MLIP: variants seen among roughly 807,000 people sequenced by gnomAD.
MLIP encodes the protein muscular LMNA interacting protein.
MLIP carries 79 observed loss-of-function variants against 84.8 expected under a neutral mutation model. The ratio of observed to expected loss-of-function variants is 0.93; its 90% confidence interval spans 0.78 to 1.12. The LOEUF is 1.12. MLIP is among the 50% of genes most tolerant of loss of function. The probability of loss-of-function intolerance (pLI) is 0.00; values close to 1 mark genes in which losing one functional copy is unlikely to be tolerated. For synonymous variants in MLIP, 504 were observed against 463.0 expected (o/e 1.09, Z -1.14); for missense variants, 1,257 against 1,160.6 (o/e 1.08, Z -1.21).
At chr6:54,143,074 A>G (rs1028921776) in intron 4 of MLIP, among the ~76,000 whole-genome samples, 1 of 151,940 alleles carries the variant, frequency 6.6e-6, no homozygotes, top group South Asian at 2.1e-4. Context: ...CGGCCTCTAT[A>G]CTGACCAGTT....
At chr6:54,051,451 T>C (rs1297713536) in intron 1 of MLIP, among the ~76,000 whole-genome samples, 2 of 152,192 alleles carry the variant, frequency 1.3e-5, no homozygotes, top group African/African-American at 4.8e-5. Flanking sequence ...ATTATTACTT[T>C]AATGTTGTCT....
intron 12 of MLIP, among the ~76,000 whole-genome samples, chr6:54,255,023 T>C (rs1040566475): frequency 6.6e-6 from 1 of 152,098 alleles, no homozygotes; most frequent in Non-Finnish European, 1.5e-5. Flanking sequence ...GTCTCTTGTG[T>C]GGCCTTTCAT....
At chr6:54,191,794 A>G (rs1777943848) in intron 10 of MLIP, among the ~76,000 whole-genome samples, 2 of 152,132 alleles carry the variant, frequency 1.3e-5, no homozygotes, top group African/African-American at 2.4e-5. Flanking sequence ...AGTATTTAAA[A>G]TGATATATTT....
rs200691416 is a variant in MLIP at position 54,117,211 on chromosome 6, CTTTTTTTTTTTT to C, written c.97-4225_97-4214del. Among the ~76,000 whole-genome samples the C allele has an allele frequency of 2.5e-5, 3 of 117,830 alleles. No homozygotes were observed. The Admixed American group carries it at 2.6e-4, about 10-fold the overall frequency. 77.3% of individuals were successfully genotyped at this position (117,830 alleles called of 152,430 possible). On this transcript the variant is annotated intron_variant, in intron 1 of 13. Coordinates refer to ENST00000502396, the MANE Select transcript of MLIP (RefSeq NM_001281747.2). Reference sequence around the variant, plus strand: ...GACAAGGATGCCACTCTATTTCTGTCTTTTTTTTTTTTTTTTTTTTTTGAGATGGAGTCCAGC... The same window carrying C: ...GACAAGGATGCCACTCTATTTCTGTCTTTTTTTTTTGAGATGGAGTCCAGC...
At chr6:54,149,444 A>G (rs1018566463) in intron 5 of MLIP, among the ~76,000 whole-genome samples, 3 of 152,150 alleles carry the variant, frequency 2.0e-5, no homozygotes, top group Non-Finnish European at 2.9e-5. Flanking sequence ...AAAAACTTCC[A>G]TATCAAGAAC....
chr6:54,145,448 A>G (rs1311569665), intron 4 of MLIP, among the ~76,000 whole-genome samples: 5 of 152,014 alleles, frequency 3.3e-5, no homozygotes, highest in African/African-American at 9.7e-5. Context: ...GTCTTAGAGG[A>G]GTAGTGCATG....
intron 12 of MLIP, among the ~76,000 whole-genome samples, chr6:54,231,618 T>G (rs1781008112): frequency 6.6e-6 from 1 of 152,158 alleles, no homozygotes; most frequent in Non-Finnish European, 1.5e-5. Flanking sequence ...CCTTTGCTCT[T>G]CTGATAAGGG....
intron 12 of MLIP, among the ~76,000 whole-genome samples, chr6:54,254,789 C>G (rs187375370): frequency 2.7e-5 from 4 of 147,444 alleles, no homozygotes; most frequent in Non-Finnish European, 5.9e-5. Context: ...CCCTTCCCCC[C>G]CCACTTTCCT....
At chr6:54,103,610 A>T (rs1202382822) in intron 1 of MLIP, among the ~76,000 whole-genome samples, 1 of 152,182 alleles carries the variant, frequency 6.6e-6, no homozygotes, top group Non-Finnish European at 1.5e-5. Context: ...CTCTCTATGT[A>T]ATTCTTCCAA....
At chr6:54,055,991 C>T (rs1185995855) in intron 1 of MLIP, among the ~76,000 whole-genome samples, 1 of 152,074 alleles carries the variant, frequency 6.6e-6, no homozygotes, top group Non-Finnish European at 1.5e-5. Context: ...TTGCACTTTA[C>T]ATATTTATAT....
At chr6:54,111,159 T>C (rs1436666833), upstream of MLIP, among the ~76,000 whole-genome samples, 1 of 152,218 alleles carries the variant, frequency 6.6e-6, no homozygotes, top group Non-Finnish European at 1.5e-5. Flanking sequence ...TTTCACAGAA[T>C]ATATAATTGG....
intron 1 of MLIP, chr6:54,063,215 A>G (rs1002703673): frequency 4.6e-5 from 7 of 151,920 alleles, no homozygotes; most frequent in African/African-American, 1.7e-4. Flanking sequence ...AAAAAAAAAA[A>G]AAAAGAAAAA....
intron 13 of MLIP, among the ~76,000 whole-genome samples, chr6:54,260,949 C>T (rs1783343943): frequency 1.3e-5 from 2 of 151,816 alleles, no homozygotes. Context: ...GATGAAACTC[C>T]ATACAAGCAG....
rs1322319992 is a variant in MLIP, at chr6:54,066,364, T to C, written c.63+47273T>C. On this transcript the variant is annotated intron_variant, in intron 1 of 12. Coordinates refer to the MLIP transcript ENST00000274897. ...TATTTGGCTCATAAAACCCTCATTA[T>C]CCTAATTCCTGAGGCTTTAGGAAAC... Among the ~76,000 whole-genome samples, 2 of 100,748 alleles carry C rather than the reference T, an allele frequency of 2.0e-5. 1 individual carries two copies. The highest frequency in any genetic ancestry group is 5.7e-5 in the Non-Finnish European group (2 of 35,054). The allele number at this position is 100,748 out of a possible 152,430, so 66.1% of individuals were successfully genotyped here.
chr6:54,092,282 T>G (rs1035168931), intron 1 of MLIP, among the ~76,000 whole-genome samples: 1 of 152,170 alleles, frequency 6.6e-6, no homozygotes, highest in Non-Finnish European at 1.5e-5. Context: ...TACATGCTTG[T>G]GAATTGCAAT....
intron 10 of MLIP, among the ~76,000 whole-genome samples, chr6:54,192,262 G>C (rs1161834514): frequency 7.9e-5 from 12 of 151,522 alleles, no homozygotes; most frequent in Non-Finnish European, 1.6e-4. Flanking sequence ...GATACAGGTA[G>C]GTTTGTGAAG....
Position 54,137,159 on chromosome 6 carries a change from A to C in MLIP, c.1090A>C (p.Ile364Leu). The stretch of plus-strand genomic sequence containing the variant: ...TCTGAAGTCGAATTCGGCCTCGTAC[A>C]TACCAGTCCGCATTGTCACGCATTC... The part of the protein sequence containing the change: ...ASLKSNSASY[I>L]PVRIVTHSLS... Residue 364 changes from isoleucine to leucine, a missense_variant, in exon 4 of 14, where the codon ATA becomes CTA. Physicochemically the swap from Ile to Leu is conservative, Grantham distance 5. Transcript: ENST00000502396. 6.5e-7 allele frequency: 1 copy of C among 1,535,984 alleles called. No homozygotes were observed. Among genetic ancestry groups the C allele is most frequent in the Non-Finnish European group, 8.7e-7 (1 of 1,146,854 alleles).
chr6:54,123,171 G>A (rs979006901), intron 2 of MLIP, among the ~76,000 whole-genome samples: 2 of 150,658 alleles, frequency 1.3e-5, no homozygotes, highest in South Asian at 2.1e-4. Flanking sequence ...TCCTGACCTC[G>A]TGATCCGCCC....
intron 3 of MLIP, among the ~76,000 whole-genome samples, chr6:54,133,675 T>C (rs756649592): frequency 6.6e-6 from 1 of 152,224 alleles, no homozygotes; most frequent in African/African-American, 2.4e-5. Context: ...AAGGCAGTTC[T>C]ACAATAGAGA....
Sources: allele counts gnomAD v4.1 joint callset (sites outside exome capture counted in the v4.1 genomes callset), GRCh38; gene constraint gnomAD v4.1.1; transcripts MANE v1.5; gene names NCBI Gene and HGNC (gene_info 2026-07-23, HGNC 2026-07-21).